Variants in PTPRM observed in about 807,000 individuals in gnomAD.
The protein encoded by PTPRM is protein tyrosine phosphatase receptor type M.
In PTPRM, 47 loss-of-function variants were observed where a neutral mutation model predicts 186.7. That is an observed-to-expected ratio of 0.25 (90% CI 0.20 to 0.32). The LOEUF is 0.32. Among genes scored for constraint, PTPRM ranks in the 10% least tolerant of loss-of-function variants. PTPRM has a pLI of 1.00. For synonymous variants in PTPRM, 668 were observed against 674.9 expected (o/e 0.99, Z 0.16); for missense variants, 1,494 against 1,865.0 (o/e 0.80, Z 3.66).
intron 21 of PTPRM, 101 bp downstream of exon 21, chr18:8,314,958 C>G (rs2095297766): frequency 4.0e-6 from 3 of 747,322 alleles, no homozygotes; most frequent in Non-Finnish European, 4.2e-6. Context: ...ATGATTAAAT[C>G]AGAGTATAAA....
At chr18:7,897,680 C>G (rs2049437279) in intron 3 of PTPRM, among the ~76,000 whole-genome samples, 1 of 152,100 alleles carries the variant, frequency 6.6e-6, no homozygotes, top group Admixed American at 6.6e-5. Flanking sequence ...ACTTGTACTT[C>G]TTATGTGATG....
intron 1 of PTPRM, among the ~76,000 whole-genome samples, chr18:7,642,689 T>C (rs1288289690): frequency 1.3e-5 from 2 of 152,086 alleles, no homozygotes; most frequent in Non-Finnish European, 2.9e-5. Flanking sequence ...AAAGCTTACA[T>C]GTTGACTTTG....
chr18:7,852,690 T>G (rs113424111), intron 2 of PTPRM, among the ~76,000 whole-genome samples: 1 of 150,170 alleles, frequency 6.7e-6, no homozygotes, highest in Non-Finnish European at 1.5e-5. Context: ...CTCTCAAAAA[T>G]AAAAAAAAGA....
chr18:7,908,200 G>A (rs1198287576), intron 4 of PTPRM, among the ~76,000 whole-genome samples: 1 of 151,996 alleles, frequency 6.6e-6, no homozygotes, highest in Non-Finnish European at 1.5e-5. Flanking sequence ...AGCAGTGCAT[G>A]GTAGCTTTAT....
At chr18:7,776,696 T>A (rs966222520) in intron 2 of PTPRM, among the ~76,000 whole-genome samples, 9 of 152,148 alleles carry the variant, frequency 5.9e-5, no homozygotes, top group African/African-American at 1.9e-4. Flanking sequence ...GTGAACAATC[T>A]AAAATGATAT....
intron 1 of PTPRM, among the ~76,000 whole-genome samples, chr18:7,688,632 C>T (rs918036766): frequency 3.3e-5 from 5 of 152,210 alleles, no homozygotes; most frequent in South Asian, 2.1e-4. Context: ...GACTTTATGC[C>T]CAAGACTTTG....
chr18:8,192,323 A>C (rs1187944348), intron 14 of PTPRM, among the ~76,000 whole-genome samples: 1 of 152,210 alleles, frequency 6.6e-6, no homozygotes, highest in African/African-American at 2.4e-5. Context: ...TGCTTTCTAA[A>C]TACCACTCCC....
intron 1 of PTPRM, among the ~76,000 whole-genome samples, chr18:7,701,402 C>A (rs2039963418): frequency 6.6e-6 from 1 of 151,260 alleles, no homozygotes. Flanking sequence ...AGTTTGAGAC[C>A]ATCTTGGCCA....
At chr18:8,009,436 G>A (rs571492395) in intron 7 of PTPRM, among the ~76,000 whole-genome samples, 20 of 152,066 alleles carry the variant, frequency 1.3e-4, no homozygotes, top group Non-Finnish European at 2.2e-4. Flanking sequence ...TTGGCCGAGC[G>A]CGGTGGCCCA....
intron 2 of PTPRM, among the ~76,000 whole-genome samples, chr18:7,796,825 C>T (rs2043683625): frequency 6.6e-6 from 1 of 152,240 alleles, no homozygotes; most frequent in Admixed American, 6.5e-5. Context: ...CAGTGGTGCA[C>T]TGAGCCTGAG....
chr18:7,819,204 C>T (rs1410395651), intron 2 of PTPRM, among the ~76,000 whole-genome samples: 1 of 152,136 alleles, frequency 6.6e-6, no homozygotes, highest in African/African-American at 2.4e-5. Flanking sequence ...TGCCTGTGGA[C>T]ATAGGTGAGG....
chr18:7,865,381 A>T (rs1280169713), intron 2 of PTPRM, among the ~76,000 whole-genome samples: 1 of 152,116 alleles, frequency 6.6e-6, no homozygotes, highest in Admixed American at 6.5e-5. Context: ...GTTTATTGAG[A>T]GTTTTTAGCA....
chr18:7,608,696 G>A (rs1002383981), intron 1 of PTPRM, among the ~76,000 whole-genome samples: 4 of 152,108 alleles, frequency 2.6e-5, no homozygotes, highest in African/African-American at 9.7e-5. Context: ...TCCCATTCTT[G>A]CGTCCCATTC....
intron 2 of PTPRM, among the ~76,000 whole-genome samples, chr18:7,847,495 T>A (rs866068962): frequency 1.7e-4 from 26 of 151,992 alleles, no homozygotes; most frequent in African/African-American, 6.3e-4. Flanking sequence ...TAAATGGGGA[T>A]TTATTGGCTT....
intron 14 of PTPRM, among the ~76,000 whole-genome samples, chr18:8,188,150 A>T (rs1200490931): frequency 2.0e-5 from 3 of 152,242 alleles, no homozygotes; most frequent in Non-Finnish European, 4.4e-5. Flanking sequence ...GGAAATGTTC[A>T]GTAGTATCTC....
chr18:7,658,780 T>C (rs1034728059), intron 1 of PTPRM, among the ~76,000 whole-genome samples: 2 of 152,224 alleles, frequency 1.3e-5, no homozygotes, highest in Admixed American at 1.3e-4. Context: ...GTAAATAGAC[T>C]GAATGGTGAA....
At chr18:7,715,639 G>A (rs868131243) in intron 1 of PTPRM, among the ~76,000 whole-genome samples, 4 of 152,250 alleles carry the variant, frequency 2.6e-5, no homozygotes, top group African/African-American at 9.6e-5. Flanking sequence ...TCCTTAAGCT[G>A]ATAAGCAACT....
At chr18:7,734,310 A>T (rs928971756) in intron 1 of PTPRM, among the ~76,000 whole-genome samples, 10 of 152,184 alleles carry the variant, frequency 6.6e-5, no homozygotes, top group African/African-American at 2.2e-4. Flanking sequence ...ATTTCTGTTG[A>T]AAGCAAATGA....
At chr18:8,375,920 A>G in intron 24 of PTPRM, 126 bp from the exon 25 acceptor site, 1 of 981,736 alleles carries the variant, frequency 1.0e-6, no homozygotes, top group Non-Finnish European at 1.5e-6. Flanking sequence ...TTTCCCCAGC[A>G]GTCCACTGTT....
Sources: allele counts gnomAD v4.1 joint callset (sites outside exome capture counted in the v4.1 genomes callset), GRCh38; gene constraint gnomAD v4.1.1; transcripts MANE v1.5; gene names NCBI Gene and HGNC (gene_info 2026-07-23, HGNC 2026-07-21).